RAPGEF6: variants seen among roughly 807,000 people sequenced by gnomAD.
RAPGEF6 encodes the protein Rap guanine nucleotide exchange factor 6.
Under a neutral mutation model 171.4 loss-of-function variants are expected in RAPGEF6, and 56 were observed. That is an observed-to-expected ratio of 0.33 (90% CI 0.26 to 0.41). The LOEUF is 0.41. RAPGEF6 is among the 10% of genes least tolerant of loss of function. RAPGEF6 has a pLI of 1.00. For synonymous variants in RAPGEF6, 692 were observed against 650.1 expected, an observed-to-expected ratio of 1.06 and a Z score of -0.98; for missense variants, 1,674 against 1,921.4, an observed-to-expected ratio of 0.87 and a Z score of 2.41.
Position 131,544,448 on chromosome 5 carries a change from A to C in RAPGEF6, c.495+3599T>G, listed in dbSNP as rs551520686. ...ATGTGTGAAAGAAGCCCACCCCCCC[A>C]AAAAAAATCCACAATATATGATGCC... is the stretch of plus-strand genomic sequence containing the variant. On this transcript the variant is annotated intron_variant, in intron 6 of 27. Transcript: ENST00000509018. Among the ~76,000 whole-genome samples the C allele has an allele frequency of 2.5e-3, 379 of 150,814 alleles. 1 individual carries two copies. Among genetic ancestry groups the C allele is most frequent in the African/African-American group, 7.7e-3 (313 of 40,390 alleles).
At chr5:131,449,026 C>T (rs1752893638) in intron 21 of RAPGEF6, among the ~76,000 whole-genome samples, 1 of 152,094 alleles carries the variant, frequency 6.6e-6, no homozygotes, top group Non-Finnish European at 1.5e-5. Flanking sequence ...TGAGGCAAGA[C>T]TCGAATAAAG....
chr5:131,440,758 AAAAG>A lies in RAPGEF6; in HGVS notation c.3611-1047_3611-1044del, dbSNP rs1232992980. Among the ~76,000 whole-genome samples the A allele has an allele frequency of 3.3e-5, 5 of 149,880 alleles. No homozygotes were observed. In the East Asian group the frequency reaches 7.8e-4, roughly 23 times the overall value. Reference sequence around the variant, plus strand: ...GTCTCAAAAAAAAAAAAAAAAAAAAAAAAGAAAGAAAGGAAGCTACATAGTATAA... The same window carrying A: ...GTCTCAAAAAAAAAAAAAAAAAAAAAAAAGAAAGGAAGCTACATAGTATAA... On this transcript the variant is annotated intron_variant, in intron 23 of 27. Transcript: ENST00000509018.
rs183437661 is a variant in RAPGEF6, at chr5:131,583,697, C to T, written c.281+8686G>A. ...CCTCCCTGAAATATATAAAACCAAA[C>T]TGTAGCCCAACCACCTTAGGGCCAC... On this transcript the variant is annotated intron_variant, in intron 4 of 27. Transcript: ENST00000509018. 1.0e-3 allele frequency among the ~76,000 whole-genome samples: 154 copies of T among 152,322 alleles called. 1 individual carries two copies. Among genetic ancestry groups the T allele is most frequent in the African/African-American group, 3.7e-3 (152 of 41,584 alleles).
At chr5:131,562,152 C>T in intron 4 of RAPGEF6, 105 bp from the exon 5 acceptor site, 2 of 684,584 alleles carry the variant, frequency 2.9e-6, no homozygotes, top group Non-Finnish European at 2.4e-6. Context: ...AGATATTATC[C>T]AAGAAATTCT....
At chr5:131,600,047 C>CG (rs1764135463) in intron 3 of RAPGEF6, among the ~76,000 whole-genome samples, 1 of 152,124 alleles carries the variant, frequency 6.6e-6, no homozygotes, top group African/African-American at 2.4e-5. Context: ...AACTTTCCCG[C>CG]ATTTTTTTTT....
chr5:131,558,890 T>C (rs780665754), intron 5 of RAPGEF6, among the ~76,000 whole-genome samples: 1 of 152,178 alleles, frequency 6.6e-6, no homozygotes, highest in East Asian at 1.9e-4. Context: ...CCATGTGCAC[T>C]TGAAAAGTAG....
At chr5:131,478,712 G>A (rs1384079085) in intron 16 of RAPGEF6, among the ~76,000 whole-genome samples, 2 of 152,170 alleles carry the variant, frequency 1.3e-5, no homozygotes, top group Non-Finnish European at 2.9e-5. Flanking sequence ...AAGGGTTCCT[G>A]ATGTGAATTT....
At chr5:131,567,791 C>T (rs1762042069) in intron 4 of RAPGEF6, among the ~76,000 whole-genome samples, 1 of 152,268 alleles carries the variant, frequency 6.6e-6, no homozygotes, top group South Asian at 2.1e-4. Context: ...TATTGAAAGA[C>T]TTTTGAAATC....
At chr5:131,435,860 T>C in intron 24 of RAPGEF6, 1 of 1,433,804 alleles carries the variant, frequency 7.0e-7, no homozygotes, top group Non-Finnish European at 9.1e-7. Context: ...CTAAGTTGTC[T>C]GCCTAAGCTT....
At chr5:131,440,559 G>GA (rs1257487364) in intron 23 of RAPGEF6, among the ~76,000 whole-genome samples, 2 of 151,704 alleles carry the variant, frequency 1.3e-5, no homozygotes, top group Non-Finnish European at 2.9e-5. Context: ...CCACCATGGT[G>GA]AAACCCCATC....
At chr5:131,574,274 G>A (rs1449400996) in intron 4 of RAPGEF6, among the ~76,000 whole-genome samples, 1 of 152,124 alleles carries the variant, frequency 6.6e-6, no homozygotes, top group Non-Finnish European at 1.5e-5. Flanking sequence ...TAAAGCTCCT[G>A]GAGCTCAAAC....
chr5:131,575,655 C>A (rs1264627293), intron 4 of RAPGEF6, among the ~76,000 whole-genome samples: 1 of 152,198 alleles, frequency 6.6e-6, no homozygotes. Flanking sequence ...ACTGACCCCA[C>A]AGACCCTAAG....
chr5:131,436,096 T>C, intron 24 of RAPGEF6: 1 of 1,538,004 alleles, frequency 6.5e-7, no homozygotes, highest in East Asian at 2.4e-5. Flanking sequence ...CTCACAGCTT[T>C]CTGTAGCTTG....
chr5:131,501,880 T>C (rs184652978), intron 11 of RAPGEF6, among the ~76,000 whole-genome samples: 228 of 151,236 alleles, frequency 1.5e-3, no homozygotes, highest in African/African-American at 5.4e-3. Flanking sequence ...TAGATGTGTA[T>C]GTGTTTATAA....
intron 20 of RAPGEF6, 78 bp from the exon 21 acceptor site, chr5:131,453,255 T>C: frequency 6.7e-7 from 1 of 1,484,132 alleles, no homozygotes; most frequent in South Asian, 1.3e-5. Flanking sequence ...CTGGTAATCT[T>C]GAGGGGCACA....
At chr5:131,462,678 T>C (rs1754017094) in intron 18 of RAPGEF6, among the ~76,000 whole-genome samples, 1 of 152,214 alleles carries the variant, frequency 6.6e-6, no homozygotes, top group South Asian at 2.1e-4. Context: ...TTAAGACCTA[T>C]ATTTTGCTTT....
intron 12 of RAPGEF6, among the ~76,000 whole-genome samples, chr5:131,495,961 G>A (rs183756543): frequency 6.6e-6 from 1 of 152,340 alleles, no homozygotes; most frequent in Non-Finnish European, 1.5e-5. Flanking sequence ...CAAACTTCAT[G>A]TCATAAAGCA....
intron 4 of RAPGEF6, among the ~76,000 whole-genome samples, chr5:131,581,611 C>G (rs971193660): frequency 6.6e-6 from 1 of 152,066 alleles, no homozygotes; most frequent in Non-Finnish European, 1.5e-5. Context: ...AGAAACCTCA[C>G]CCATCACCCC....
rs79625032 is a variant in RAPGEF6 at position 131,431,551 on chromosome 5, A to T, written c.3975-202T>A. Among the ~76,000 whole-genome samples, 755 of 152,336 alleles carry T rather than the reference A, an allele frequency of 5.0e-3. 11 individuals are homozygous for T. The highest frequency in any genetic ancestry group is 0.017 in the African/African-American group (714 of 41,578). ...TTAGTTAACACTCAGAAGACACAGT[A>T]AAGAAACTCTAATGCTTAGCAAAAT... On this transcript the variant is annotated intron_variant, in intron 25 of 27. Transcript: ENST00000509018.
Sources: allele counts gnomAD v4.1 joint callset (sites outside exome capture counted in the v4.1 genomes callset), GRCh38; gene constraint gnomAD v4.1.1; transcripts MANE v1.5; gene names NCBI Gene and HGNC (gene_info 2026-07-23, HGNC 2026-07-21).